TENM3: variants seen among roughly 807,000 people sequenced by gnomAD.
The protein encoded by TENM3 is teneurin transmembrane protein 3, also known as teneurin-3.
A neutral mutation model predicts 255.1 loss-of-function variants in TENM3; 63 were observed. The ratio of observed to expected loss-of-function variants is 0.25; its 90% CI spans 0.20 to 0.30. TENM3 has a LOEUF of 0.30. TENM3 is among the 10% of genes least tolerant of loss of function. The pLI, the probability that TENM3 is intolerant of heterozygous loss-of-function variation, is 1.00. For synonymous variants in TENM3, 1,306 were observed against 1,322.3 expected (o/e 0.99, Z 0.27); for missense variants, 2,929 against 3,461.1 (o/e 0.85, Z 3.86).
the TENM3 span, among the ~76,000 whole-genome samples, chr4:182,022,328 T>TGC: frequency 6.4e-4 from 97 of 152,246 alleles, no homozygotes; most frequent in Admixed American, 5.0e-3. Flanking sequence ...TGTTCTCACT[T>TGC]ATAAGTGGAA....
chr4:181,996,638 A>G, the TENM3 span, among the ~76,000 whole-genome samples: 68 of 152,216 alleles, frequency 4.5e-4, no homozygotes, highest in African/African-American at 1.2e-3. Context: ...TGGAGAATGC[A>G]CTGCAGGGAC....
At chr4:181,846,553 G>C in the TENM3 span, among the ~76,000 whole-genome samples, 1 of 152,186 alleles carries the variant, frequency 6.6e-6, no homozygotes, top group Admixed American at 6.5e-5. Flanking sequence ...ATGATTATTT[G>C]AAGATTATTA....
chr4:182,635,070 A>G (rs1751734306), intron 5 of TENM3, among the ~76,000 whole-genome samples: 1 of 152,372 alleles, frequency 6.6e-6, no homozygotes, highest in South Asian at 2.1e-4. Context: ...ATCTCTGTGC[A>G]CTGCTAGGCA....
chr4:182,743,537 TC>T, intron 19 of TENM3, 118 bp downstream of exon 19: 1 of 1,170,156 alleles, frequency 8.5e-7, no homozygotes, highest in Non-Finnish European at 1.2e-6. Context: ...GTTTAAAATT[TC>T]CCCCAGAAAG....
chr4:182,464,233 A>G (rs977005063), intron 3 of TENM3, among the ~76,000 whole-genome samples: 23 of 83,208 alleles, frequency 2.8e-4, no homozygotes, highest in Admixed American at 1.0e-3. Context: ...ATTATAACTT[A>G]TCAGATTTAA....
intron 13 of TENM3, among the ~76,000 whole-genome samples, chr4:182,726,051 A>G (rs1400882783): frequency 3.3e-5 from 5 of 152,222 alleles, no homozygotes; most frequent in African/African-American, 1.2e-4. Flanking sequence ...ACATGCTATC[A>G]TAAGGAAACC....
At chr4:182,106,494 A>G in the TENM3 span, among the ~76,000 whole-genome samples, 1 of 152,000 alleles carries the variant, frequency 6.6e-6, no homozygotes, top group Non-Finnish European at 1.5e-5. Context: ...AAAGAAAGAA[A>G]CACTCCCAAA....
At chr4:182,164,969 A>G (rs1374166207) in intron 1 of TENM3, among the ~76,000 whole-genome samples, 2 of 152,174 alleles carry the variant, frequency 1.3e-5, no homozygotes, top group Non-Finnish European at 2.9e-5. Flanking sequence ...AGTACTTTTA[A>G]CCATAGCTAC....
At chr4:182,335,402 G>A (rs1406240748) in intron 2 of TENM3, among the ~76,000 whole-genome samples, 3 of 140,428 alleles carry the variant, frequency 2.1e-5, no homozygotes, top group Non-Finnish European at 4.6e-5. Flanking sequence ...GGCTGAGGCA[G>A]GAGAATGGCG....
chr4:181,998,233 A>G, the TENM3 span, among the ~76,000 whole-genome samples: 1 of 152,178 alleles, frequency 6.6e-6, no homozygotes, highest in Non-Finnish European at 1.5e-5. Flanking sequence ...CTACTGATCC[A>G]TGTGTTAATT....
the TENM3 span, among the ~76,000 whole-genome samples, chr4:181,541,063 C>T: frequency 6.6e-6 from 1 of 152,048 alleles, no homozygotes; most frequent in Non-Finnish European, 1.5e-5. Context: ...AGTGAGAAAT[C>T]CATTTAAAGT....
chr4:181,746,567 T>A, the TENM3 span, among the ~76,000 whole-genome samples: 6 of 151,800 alleles, frequency 4.0e-5, no homozygotes, highest in African/African-American at 1.2e-4. Flanking sequence ...AATTGAAAAA[T>A]TTTTTTTCTT....
At chr4:181,894,164 G>A in the TENM3 span, among the ~76,000 whole-genome samples, 9,321 of 152,184 alleles carry the variant, frequency 0.061, 365 homozygotes, top group African/African-American at 0.12. Context: ...AATAGGATAT[G>A]AGGCAATGAT....
the TENM3 span, among the ~76,000 whole-genome samples, chr4:182,054,334 G>A: frequency 6.6e-6 from 1 of 152,124 alleles, no homozygotes; most frequent in African/African-American, 2.4e-5. Flanking sequence ...TCAGTGCTTG[G>A]AATAAAGAGG....
intron 2 of TENM3, among the ~76,000 whole-genome samples, chr4:182,335,451 C>T (rs540562898): frequency 0.014 from 1,808 of 130,634 alleles, 48 homozygotes; most frequent in Non-Finnish European, 0.021. Context: ...GCCGAGATCG[C>T]GCCACCGCAC....
At chr4:182,410,785 T>A (rs1286909717) in intron 3 of TENM3, among the ~76,000 whole-genome samples, 1 of 152,152 alleles carries the variant, frequency 6.6e-6, no homozygotes, top group Non-Finnish European at 1.5e-5. Flanking sequence ...TATGGAATAT[T>A]TGGATATGAG....
At chr4:182,614,464 A>C (rs1226884567) in intron 4 of TENM3, among the ~76,000 whole-genome samples, 1 of 152,140 alleles carries the variant, frequency 6.6e-6, no homozygotes, top group Non-Finnish European at 1.5e-5. Context: ...AAAATAATGA[A>C]TTTTAGTTTA....
At chr4:181,772,024 T>A in the TENM3 span, among the ~76,000 whole-genome samples, 33,795 of 152,124 alleles carry the variant, frequency 0.22, 4,330 homozygotes, top group South Asian at 0.3. Context: ...ATTATGTAAA[T>A]AGCACAACAC....
chr4:181,489,108 T>C, the TENM3 span, among the ~76,000 whole-genome samples: 1 of 152,202 alleles, frequency 6.6e-6, no homozygotes, highest in Non-Finnish European at 1.5e-5. Context: ...CATTCATCTG[T>C]AGGCAATGGC....
Sources: allele counts gnomAD v4.1 joint callset (sites outside exome capture counted in the v4.1 genomes callset), GRCh38; gene constraint gnomAD v4.1.1; transcripts MANE v1.5; gene names NCBI Gene and HGNC (gene_info 2026-07-23, HGNC 2026-07-21).